PTPRT: variants seen among roughly 807,000 people sequenced by gnomAD.
PTPRT encodes the protein protein tyrosine phosphatase receptor type T.
A neutral mutation model predicts 176.8 loss-of-function variants in PTPRT; 56 were observed. The ratio of observed to expected loss-of-function variants is 0.32; its 90% CI spans 0.26 to 0.40. The LOEUF is 0.40. PTPRT is among the 10% of genes least tolerant of loss of function. PTPRT has a pLI of 1.00. For synonymous variants in PTPRT, 783 were observed against 739.0 expected (o/e 1.06, Z -0.96); for missense variants, 1,540 against 1,908.2 (o/e 0.81, Z 3.60).
intron 19 of PTPRT, among the ~76,000 whole-genome samples, chr20:42,122,949 T>C (rs1987660011): frequency 6.6e-6 from 1 of 152,230 alleles, no homozygotes; most frequent in African/African-American, 2.4e-5. Context: ...TCCTCTGGGA[T>C]ACAGAGCTGA....
intron 14 of PTPRT, 36 bp downstream of exon 14, chr20:42,248,651 G>A (rs760245705): frequency 6.2e-7 from 1 of 1,610,526 alleles, no homozygotes; most frequent in East Asian, 2.2e-5. Context: ...GTCACCTCGG[G>A]TCAGCAGAGT....
intron 6 of PTPRT, among the ~76,000 whole-genome samples, chr20:42,751,880 C>T (rs113047938): frequency 1.8e-4 from 28 of 152,278 alleles, no homozygotes; most frequent in South Asian, 1.7e-3. Flanking sequence ...AACTTACAGA[C>T]GGCCCATCTG....
chr20:42,824,649 A>G (rs928333592), intron 2 of PTPRT, among the ~76,000 whole-genome samples: 3 of 152,216 alleles, frequency 2.0e-5, no homozygotes, highest in South Asian at 4.1e-4. Flanking sequence ...ATAACTATAA[A>G]GAGTTGAACA....
intron 7 of PTPRT, among the ~76,000 whole-genome samples, chr20:42,580,115 T>C (rs1211919542): frequency 2.6e-5 from 4 of 152,210 alleles, no homozygotes. Flanking sequence ...TTCAGCTTTC[T>C]ACATATGGCT....
At chr20:42,701,638 T>A (rs1340550290) in intron 6 of PTPRT, among the ~76,000 whole-genome samples, 1 of 152,116 alleles carries the variant, frequency 6.6e-6, no homozygotes, top group Admixed American at 6.5e-5. Context: ...AACTCAGGAC[T>A]TGAAATGGTG....
At chr20:43,105,346 A>G (rs1017723712) in intron 1 of PTPRT, among the ~76,000 whole-genome samples, 1 of 150,502 alleles carries the variant, frequency 6.6e-6, no homozygotes, top group African/African-American at 2.5e-5. Flanking sequence ...AGCCCCCTTC[A>G]TAGGGACCAA....
chr20:42,633,425 T>C (rs544295320), intron 7 of PTPRT, among the ~76,000 whole-genome samples: 1 of 152,166 alleles, frequency 6.6e-6, no homozygotes, highest in South Asian at 2.1e-4. Context: ...CATAGCTAGA[T>C]AGCATAGCAG....
At chr20:42,126,033 G>T (rs193228518) in intron 19 of PTPRT, among the ~76,000 whole-genome samples, 2 of 148,964 alleles carry the variant, frequency 1.3e-5, no homozygotes, top group Non-Finnish European at 3.0e-5. Context: ...AGTGGGGGGG[G>T]GGAGGGGAAG....
intron 12 of PTPRT, among the ~76,000 whole-genome samples, chr20:42,302,607 C>T (rs1456414888): frequency 1.3e-5 from 2 of 152,216 alleles, no homozygotes; most frequent in Non-Finnish European, 2.9e-5. Context: ...ACTGGGATTG[C>T]TGATAATTTA....
intron 2 of PTPRT, among the ~76,000 whole-genome samples, chr20:42,838,010 C>A (rs1340329365): frequency 6.6e-6 from 1 of 152,118 alleles, no homozygotes; most frequent in Non-Finnish European, 1.5e-5. Flanking sequence ...GAGTACCAGG[C>A]CCTCACGTAA....
chr20:42,429,078 C>A (rs2059192845), intron 9 of PTPRT, among the ~76,000 whole-genome samples: 1 of 152,172 alleles, frequency 6.6e-6, no homozygotes, highest in African/African-American at 2.4e-5. Flanking sequence ...TTTGTATTCA[C>A]ACTTAGTAGG....
chr20:42,442,182 G>A (rs1226325469), intron 9 of PTPRT, among the ~76,000 whole-genome samples: 1 of 152,090 alleles, frequency 6.6e-6, no homozygotes, highest in Non-Finnish European at 1.5e-5. Flanking sequence ...CCACCCAGCT[G>A]GTCCCCTCTC....
intron 1 of PTPRT, among the ~76,000 whole-genome samples, chr20:42,909,972 C>G (rs1343984407): frequency 6.6e-6 from 1 of 152,150 alleles, no homozygotes; most frequent in African/African-American, 2.4e-5. Flanking sequence ...TTTCTCATTA[C>G]TCTCCTATTC....
intron 9 of PTPRT, among the ~76,000 whole-genome samples, chr20:42,381,950 G>T (rs1395174824): frequency 6.6e-6 from 1 of 152,148 alleles, no homozygotes; most frequent in East Asian, 1.9e-4. Context: ...AGGTGGCAGA[G>T]AAATGAGGCA....
chr20:42,960,964 A>G (rs1383048371), intron 1 of PTPRT, among the ~76,000 whole-genome samples: 11 of 152,324 alleles, frequency 7.2e-5, no homozygotes, highest in Non-Finnish European at 1.6e-4. Context: ...CAGAAAATGT[A>G]TATTTTTCTA....
chr20:42,412,107 CA>C (rs768178004), intron 9 of PTPRT, among the ~76,000 whole-genome samples: 41 of 152,106 alleles, frequency 2.7e-4, no homozygotes, highest in Non-Finnish European at 5.7e-4. Flanking sequence ...AGGGCACTGT[CA>C]AAAAGATAAA....
chr20:42,569,654 T>C (rs750584696), intron 7 of PTPRT, among the ~76,000 whole-genome samples: 1 of 152,108 alleles, frequency 6.6e-6, no homozygotes, highest in Non-Finnish European at 1.5e-5. Flanking sequence ...AGATGCCAAA[T>C]GAGAATGGGT....
chr20:43,032,087 C>G (rs1986161266), intron 1 of PTPRT, among the ~76,000 whole-genome samples: 1 of 152,192 alleles, frequency 6.6e-6, no homozygotes. Flanking sequence ...ACCCATACCA[C>G]CCCATTATCA....
At chr20:42,896,005 A>C (rs2079289646) in intron 1 of PTPRT, among the ~76,000 whole-genome samples, 1 of 152,156 alleles carries the variant, frequency 6.6e-6, no homozygotes. Context: ...TGGGAACTGG[A>C]GGGAGGAACA....
Sources: gnomAD v4.1 joint callset for allele counts (sites outside exome capture counted in the v4.1 genomes callset) on GRCh38, gnomAD v4.1.1 for gene constraint, MANE v1.5 for transcripts, NCBI Gene and HGNC (gene_info 2026-07-23, HGNC 2026-07-21) for gene names.